SEPHS2: variants seen among roughly 807,000 people sequenced by gnomAD.
The protein encoded by SEPHS2 is selenide, water dikinase 2.
In SEPHS2, 11 loss-of-function variants were observed where a neutral mutation model predicts 23.9. The observed-to-expected ratio is 0.46, with a 90% CI of 0.29 to 0.76. The LOEUF (loss-of-function observed/expected upper bound fraction) is 0.76. Ranked by LOEUF, SEPHS2 falls within the 30% of genes least tolerant of loss-of-function variation. The pLI is 0.10. For synonymous variants in SEPHS2, 239 were observed against 247.5 expected (o/e 0.97, Z 0.32); for missense variants, 541 against 592.5 (o/e 0.91, Z 0.90).
chr16:30,445,710 C>A lies in SEPHS2; in HGVS notation c.18G>T (p.Ala6=), dbSNP rs1416359993. MAEAS[A]TGACGEAMAA... The stretch of plus-strand genomic sequence containing the variant: ...CCATCGCCTCTCCGCAGGCGCCCGT[C>A]GCCGAGGCTTCCGCCATGGCGCCTG... The change falls in exon 1 of 1, where the codon GCG becomes GCT. Residue 6 remains alanine (A), a synonymous_variant. Transcript: ENST00000478753. The A allele has an allele frequency of 1.3e-6, 2 of 1,540,614 alleles. No individual in the cohort carries two copies.
rs1383488650 is a variant in SEPHS2, at chr16:30,445,851, A to T, written c.-124T>A. On this transcript the variant is annotated 5_prime_UTR_variant, in exon 1 of 1. Transcript: ENST00000478753. ...TCCCTAGCGCTACTCAAGCCGTCAG[A>T]CCCACGGCATGCACAATCTTCCTGA... The T allele has an allele frequency of 7.8e-7, 1 of 1,280,120 alleles. No homozygotes were observed. Among genetic ancestry groups the T allele is most frequent in the South Asian group, 1.6e-5 (1 of 62,028 alleles). The allele number at this position is 1,280,120 out of a possible 1,614,324, so 79.3% of individuals were successfully genotyped here. A position where few individuals can be genotyped will look rare whatever the true frequency, so the allele number is the denominator to read the frequency against.
Position 30,444,895 on chromosome 16 carries a change from A to G in SEPHS2, c.833T>C (p.Val278Ala), listed in dbSNP as rs1567449938. The change falls in exon 1 of 1, where the codon GTG becomes GCG. Residue 278 changes from valine (V) to alanine (A), a missense_variant. By Grantham distance (64) the Val-to-Ala change is moderately conservative. Transcript: ENST00000478753. The surrounding 1 kb of genome is among the most constrained non-coding windows in gnomAD (Gnocchi z 4.0). ...CAGCTCCACCTCTTCTCTGGAGACC[A>G]CCATCTTTACTTTATTCCATCTTTC... ...NPERWNKVKMVVSREEVELAY... is the reference protein window; with the variant it reads ...NPERWNKVKMAVSREEVELAY... 1.2e-6 allele frequency: 2 copies of G among 1,614,094 alleles called. No individual in the cohort carries two copies. Among genetic ancestry groups the G allele is most frequent in the Non-Finnish European group, 1.7e-6 (2 of 1,180,022 alleles).
Position 30,443,743 on chromosome 16 carries a change from G to C in SEPHS2, c.*638C>G, listed in dbSNP as rs140811103. The C allele has an allele frequency of 3.6e-3, 546 of 152,730 alleles. 4 individuals carry two copies. The highest frequency in any genetic ancestry group is 4.0e-3 in the Non-Finnish European group (270 of 68,036). The allele number at this position is 152,730 out of a possible 1,614,324, so 9.5% of individuals were successfully genotyped here. A position where few individuals can be genotyped will look rare whatever the true frequency, so the allele number is the denominator to read the frequency against. Reference sequence around the variant, plus strand: ...AACATCTTAATGACCACTGAGGCCTGGGCTCTGAGGCTTGCTCTGCCTCTC... The same window carrying C: ...AACATCTTAATGACCACTGAGGCCTCGGCTCTGAGGCTTGCTCTGCCTCTC... On this transcript the variant is annotated 3_prime_UTR_variant, in exon 1 of 1. Transcript: ENST00000478753.
In SEPHS2 at chr16:30,445,442, C is replaced by A; in HGVS notation, c.286G>T (p.Ala96Ser). 7.7e-6 allele frequency: 12 copies of A among 1,560,542 alleles called. No homozygotes were observed. The highest frequency in any genetic ancestry group is 1.0e-5 in the Non-Finnish European group (12 of 1,157,530). The change falls in exon 1 of 1, where the codon GCG becomes TCG. Residue 96 changes from alanine to serine, a missense_variant. Ala to Ser is a moderately conservative substitution (Grantham distance 99, BLOSUM62 1). This residue lies in a region of SEPHS2 where 207 missense variants were observed against 182.2 expected (regional missense o/e 1.14). Transcript: ENST00000478753. Reference protein sequence around the residue: ...GRGLVGGQEEASQEAGLPAGA... With the variant: ...GRGLVGGQEESSQEAGLPAGA... Reference sequence around the variant, plus strand: ...GCCGGCAGGCCGGCTTCCTGGGACGCCTCTTCCTGGCCACCCACCAGGCCC... The same window carrying A: ...GCCGGCAGGCCGGCTTCCTGGGACGACTCTTCCTGGCCACCCACCAGGCCC...
rs1417962938 is a variant in SEPHS2 at position 30,445,002 on chromosome 16, G to A, written c.726C>T (p.Ala242=). The part of the protein sequence containing the change: ...QPNEFIMPDS[A]VVGDVLVLTK... ...TTAACACCAGCACGTCCCCAACGAC[G>A]GCGCTGTCCGGCATTATGAACTCAT... is the stretch of plus-strand genomic sequence containing the variant. Residue 242 remains alanine, a synonymous_variant, in exon 1 of 1, where the codon GCC becomes GCT. Coordinates refer to ENST00000478753, the MANE Select transcript of SEPHS2 (RefSeq NM_012248.4). 7.4e-6 allele frequency: 12 copies of A among 1,610,754 alleles called. No homozygotes were observed. Among genetic ancestry groups the A allele is most frequent in the African/African-American group, 1.3e-5 (1 of 74,842 alleles).
rs768686100 is a variant in SEPHS2, at chr16:30,445,088, G to C, written c.640C>G (p.Gln214Glu). Reference protein sequence around the residue: ...EEGGTAVTGGQTVVNPWIIIG... With the variant: ...EEGGTAVTGGETVVNPWIIIG... ...ATAATCCAAGGGTTGACCACCGTTTGCCCACCGGTCACTGCCGTCCCTCCT... is the reference window on the plus strand; with the variant it reads ...ATAATCCAAGGGTTGACCACCGTTTCCCCACCGGTCACTGCCGTCCCTCCT... The change falls in exon 1 of 1, where the codon CAA (glutamine) becomes GAA (glutamate). Residue 214 changes from glutamine (Q) to glutamate (E), a missense_variant. Coordinates refer to ENST00000478753, the MANE Select transcript of SEPHS2 (RefSeq NM_012248.4). The C allele has an allele frequency of 2.9e-5, 46 of 1,594,126 alleles. No homozygotes were observed. The South Asian group carries it at 4.9e-4, about 17-fold the overall frequency.
Position 30,444,915 on chromosome 16 carries a change from T to C in SEPHS2, c.813A>G (p.Arg271=). Residue 271 remains arginine (R), a synonymous_variant, in exon 1 of 1, where the codon AGA becomes AGG. Coordinates refer to ENST00000478753, the MANE Select transcript of SEPHS2 (RefSeq NM_012248.4). This position sits in a 1 kb window ranked among gnomAD's most constrained non-coding sequence, Gnocchi z 4.0. ...AGACCACCATCTTTACTTTATTCCA[T>C]CTTTCAGGATTATCCAGCCATTGGT... ...NAHQWLDNPE[R]WNKVKMVVSR... 1.2e-6 allele frequency: 2 copies of C among 1,614,132 alleles called. No homozygotes were observed. The highest frequency in any genetic ancestry group is 1.7e-6 in the Non-Finnish European group (2 of 1,180,034).
chr16:30,444,923 G>T lies in SEPHS2; in HGVS notation c.805C>A (p.Pro269Thr). ...ATCTTTACTTTATTCCATCTTTCAG[G>T]ATTATCCAGCCATTGGTGGGCATTG... Reference protein sequence around the residue: ...AVNAHQWLDNPERWNKVKMVV... With the variant: ...AVNAHQWLDNTERWNKVKMVV... The change falls in exon 1 of 1, where the codon CCT becomes ACT. Residue 269 changes from proline to threonine, a missense_variant. By Grantham distance (38) the Pro-to-Thr change is conservative (BLOSUM62 -1). This residue lies in a region of SEPHS2 where 224 missense variants were observed against 237.4 expected (regional missense o/e 0.94). Coordinates refer to ENST00000478753, the MANE Select transcript of SEPHS2 (RefSeq NM_012248.4). The surrounding 1 kb of genome is among the most constrained non-coding windows in gnomAD (Gnocchi z 4.0). 1.2e-6 allele frequency: 2 copies of T among 1,614,072 alleles called. No homozygotes were observed. Among genetic ancestry groups the T allele is most frequent in the Non-Finnish European group, 1.7e-6 (2 of 1,180,026 alleles).
rs781270020 is a variant in SEPHS2, at chr16:30,445,090, C to T, written c.638G>A (p.Gly213Glu). The T allele has an allele frequency of 6.3e-7, 1 of 1,594,652 alleles. No individual in the cohort carries two copies. Among genetic ancestry groups the T allele is most frequent in the Non-Finnish European group, 8.6e-7 (1 of 1,168,662 alleles). Residue 213 changes from glycine to glutamate, a missense_variant, in exon 1 of 1, where the codon GGG becomes GAG. Transcript: ENST00000478753. ...AEEGGTAVTG[G>E]QTVVNPWIII... is the part of the protein sequence containing the mutation. ...AATCCAAGGGTTGACCACCGTTTGC[C>T]CACCGGTCACTGCCGTCCCTCCTTC...
chr16:30,445,030 G>C lies in SEPHS2; in HGVS notation c.698C>G (p.Pro233Arg), dbSNP rs767045778. The C allele has an allele frequency of 1.9e-6, 3 of 1,603,452 alleles. No homozygotes were observed. The highest frequency in any genetic ancestry group is 2.6e-6 in the Non-Finnish European group (3 of 1,174,172). Residue 233 changes from proline (P) to arginine (R), a missense_variant, in exon 1 of 1, where the codon CCA (proline) becomes CGA (arginine). Pro to Arg is a moderately radical substitution (Grantham distance 103, BLOSUM62 -2). Transcript: ENST00000478753. ...IGGVATVVCQ[P>R]NEFIMPDSAV... ...GCTGTCCGGCATTATGAACTCATTT[G>C]GTTGGCATACTACAGTGGCAACTCC...
chr16:30,444,489 C>T lies in SEPHS2; in HGVS notation c.1239G>A (p.Thr413=). The T allele has an allele frequency of 6.2e-7, 1 of 1,610,542 alleles. No individual in the cohort carries two copies. The highest frequency in any genetic ancestry group is 8.5e-7 in the Non-Finnish European group (1 of 1,177,108). The change falls in exon 1 of 1, where the codon ACG becomes ACA. Residue 413 remains threonine, a synonymous_variant. Coordinates refer to ENST00000478753, the MANE Select transcript of SEPHS2 (RefSeq NM_012248.4). The surrounding 1 kb of genome is among the most constrained non-coding windows in gnomAD (Gnocchi z 4.0). ...CTCGCGGCTTGTCAATGATCCGGGC[C>T]GTTCGGTTTCCCTTTTCCACAATGC... ...IVGIVEKGNR[T]ARIIDKPRVI...
chr16:30,444,781 T>A lies in SEPHS2; in HGVS notation c.947A>T (p.Asp316Val). 1 of 1,613,252 alleles carries A rather than the reference T, an allele frequency of 6.2e-7. No individual in the cohort carries two copies. Among genetic ancestry groups the A allele is most frequent in the Non-Finnish European group, 8.5e-7 (1 of 1,179,402 alleles). Residue 316 changes from aspartate (D) to valine (V), a missense_variant, in exon 1 of 1, where the codon GAT becomes GTT. By Grantham distance (152) the Asp-to-Val change is radical. This residue lies in a region of SEPHS2 where 224 missense variants were observed against 237.4 expected (regional missense o/e 0.94). Transcript: ENST00000478753. This position sits in a 1 kb window ranked among gnomAD's most constrained non-coding sequence, Gnocchi z 4.0. The stretch of plus-strand genomic sequence containing the variant: ...TCCTAGAATGCCAAAGCCTGTGATA[T>A]CTGTGGCCGCATGGGCATTAAATGT... ...MHTFNAHAAT[D>V]ITGFGILGHS...
chr16:30,445,462 A>AGGCCCC lies in SEPHS2; in HGVS notation c.260_265dup (p.Arg87_Gly88dup), dbSNP rs1203379723. On this transcript the variant is annotated inframe_insertion, in exon 1 of 1. Coordinates refer to ENST00000478753, the MANE Select transcript of SEPHS2 (RefSeq NM_012248.4). ...GGACGCCTCTTCCTGGCCACCCACC[A>AGGCCCC]GGCCCCGGCCCAGCGGGGGCCGCAC... The AGGCCCC allele has an allele frequency of 3.9e-6, 6 of 1,547,680 alleles. No individual in the cohort carries two copies. The South Asian group carries it at 7.0e-5, about 18-fold the overall frequency.
At position 30,444,605 on chromosome 16, in the gene SEPHS2, G is replaced by C. The variant is rs1362421611; in HGVS notation, c.1123C>G (p.Leu375Val). The change falls in exon 1 of 1, where the codon CTG becomes GTG. Residue 375 changes from leucine (L) to valine (V), a missense_variant. Leu to Val is a conservative substitution (Grantham distance 32). Transcript: ENST00000478753. The surrounding 1 kb of genome is among the most constrained non-coding windows in gnomAD (Gnocchi z 4.0). ...GCCTGTTCTCTTGGCAGACAAATCA[G>C]TAATCCCCCAGAGGTTTCAGCTGAG... ...GTSAETSGGL[L>V]ICLPREQAAR... 2 of 1,614,094 alleles carry C rather than the reference G, an allele frequency of 1.2e-6. No homozygotes were observed. Among genetic ancestry groups the C allele is most frequent in the Non-Finnish European group, 8.5e-7 (1 of 1,180,036 alleles).
Position 30,445,849 on chromosome 16 carries a change from A to G in SEPHS2, c.-122T>C, listed in dbSNP as rs2050279513. Reference sequence around the variant, plus strand: ...TCTCCCTAGCGCTACTCAAGCCGTCAGACCCACGGCATGCACAATCTTCCT... The same window carrying G: ...TCTCCCTAGCGCTACTCAAGCCGTCGGACCCACGGCATGCACAATCTTCCT... On this transcript the variant is annotated 5_prime_UTR_variant, in exon 1 of 1. The change abolishes the stop of an existing upstream ORF in the 5' untranslated region. Transcript: ENST00000478753. 12 of 1,293,916 alleles carry G rather than the reference A, an allele frequency of 9.3e-6. No homozygotes were observed. The highest frequency in any genetic ancestry group is 1.2e-5 in the Non-Finnish European group (12 of 972,418). 80.2% of individuals were successfully genotyped at this position (1,293,916 alleles called of 1,614,324 possible).
In SEPHS2 at chr16:30,445,677, C is replaced by A. The variant is rs751362755; in HGVS notation, c.51G>T (p.Ala17=). Residue 17 remains alanine (A), a synonymous_variant, in exon 1 of 1, where the codon GCG becomes GCT. Coordinates refer to ENST00000478753, the MANE Select transcript of SEPHS2 (RefSeq NM_012248.4). ...AGCCCGCCGGGCCCGAGGAGCCTTC[C>A]GCCGCTGCCATCGCCTCTCCGCAGG... The part of the protein sequence containing the change: ...TGACGEAMAA[A]EGSSGPAGLT... 2 of 1,536,984 alleles carry A rather than the reference C, an allele frequency of 1.3e-6. No individual in the cohort carries two copies.
At position 30,445,640 on chromosome 16, in the gene SEPHS2, G is replaced by C. The variant is rs984116593; in HGVS notation, c.88C>G (p.Arg30Gly). The stretch of plus-strand genomic sequence containing the variant: ...AAGGGCCGGTAGTTCGAGAAGCTCC[G>C]GCCCAGAGTCAAGCCCGCCGGGCCC... ...SSGPAGLTLG[R>G]SFSNYRPFEP... is the part of the protein sequence containing the mutation. Residue 30 changes from arginine to glycine, a missense_variant, in exon 1 of 1, where the codon CGG becomes GGG. Arg to Gly is a moderately radical substitution (Grantham distance 125, BLOSUM62 -2). Around this residue, in one of 3 missense-constraint regions of SEPHS2, gnomAD observed 207 missense variants for 182.2 expected, o/e 1.14. Transcript: ENST00000478753. 2 of 1,534,346 alleles carry C rather than the reference G, an allele frequency of 1.3e-6. No homozygotes were observed. The highest frequency in any genetic ancestry group is 2.0e-5 in the Admixed American group (1 of 50,944).
chr16:30,444,975 G>A lies in SEPHS2; in HGVS notation c.753C>T (p.Thr251=), dbSNP rs776777571. Residue 251 remains threonine (T), a synonymous_variant, in exon 1 of 1, where the codon ACC becomes ACT. Coordinates refer to ENST00000478753, the MANE Select transcript of SEPHS2 (RefSeq NM_012248.4). The surrounding 1 kb of genome is among the most constrained non-coding windows in gnomAD (Gnocchi z 4.0). ...SAVVGDVLVL[T]KPLGTQVAVN... ...CAGCAACCTGGGTTCCTAACGGTTT[G>A]GTTAACACCAGCACGTCCCCAACGA... The A allele has an allele frequency of 2.5e-6, 4 of 1,613,898 alleles. No individual in the cohort carries two copies. In the African/African-American group the frequency reaches 4.0e-5, roughly 16 times the overall value.
chr16:30,445,005 G>A lies in SEPHS2; in HGVS notation c.723C>T (p.Ser241=), dbSNP rs2050271918. The change falls in exon 1 of 1, where the codon AGC becomes AGT. Residue 241 remains serine, a synonymous_variant. Coordinates refer to ENST00000478753, the MANE Select transcript of SEPHS2 (RefSeq NM_012248.4). ...ACACCAGCACGTCCCCAACGACGGC[G>A]CTGTCCGGCATTATGAACTCATTTG... ...CQPNEFIMPD[S]AVVGDVLVLT... 6.2e-7 allele frequency: 1 copy of A among 1,610,830 alleles called. No homozygotes were observed. The highest frequency in any genetic ancestry group is 2.2e-5 in the East Asian group (1 of 44,864).
Sources: gnomAD v4.1 joint callset for allele counts on GRCh38, gnomAD v4.1.1 for gene constraint, gnomAD v4.1.1 regional missense constraint, Gnocchi (gnomAD v3.1) non-coding constraint, MANE v1.5 for transcripts, NCBI Gene and HGNC (gene_info 2026-07-23, HGNC 2026-07-21) for gene names.